The following PCDHA6 variants were observed in gnomAD, a reference collection of about 807,000 sequenced individuals.
PCDHA6 encodes protocadherin alpha 6, also known as protocadherin alpha-6.
PCDHA6 carries 55 observed loss-of-function variants against 60.3 expected under a neutral mutation model. The ratio of observed to expected loss-of-function variants is 0.91; its 90% CI spans 0.73 to 1.14. The LOEUF (loss-of-function observed/expected upper bound fraction) is 1.14. Ranked by LOEUF, PCDHA6 falls within the 50% of genes most tolerant of loss-of-function variation. The pLI is 0.00. For synonymous variants in PCDHA6, 652 were observed against 557.9 expected, an observed-to-expected ratio of 1.17 and a Z score of -2.38; for missense variants, 1,327 against 1,256.5, an observed-to-expected ratio of 1.06 and a Z score of -0.85.
intron 1 of PCDHA6, among the ~76,000 whole-genome samples, chr5:140,914,693 G>C (rs1554196535): frequency 7.9e-5 from 12 of 151,662 alleles, no homozygotes; most frequent in Non-Finnish European, 1.8e-4. Flanking sequence ...TTCTCTGGTG[G>C]TATGATTTAA....
chr5:140,841,156 C>T (rs1399343439), intron 1 of PCDHA6: 2 of 850,602 alleles, frequency 2.4e-6, no homozygotes, highest in East Asian at 2.7e-5. Context: ...CGCTGTCTAC[C>T]AAGAAGTTCT....
At chr5:140,969,064 C>T (rs2096292525) in intron 1 of PCDHA6, 1 of 1,614,136 alleles carries the variant, frequency 6.2e-7, no homozygotes, top group Non-Finnish European at 8.5e-7. Context: ...ATATTGATGC[C>T]AGGATACCGC....
intron 1 of PCDHA6, among the ~76,000 whole-genome samples, chr5:140,894,025 A>G (rs1473023847): frequency 1.3e-5 from 2 of 152,232 alleles, no homozygotes; most frequent in Admixed American, 6.5e-5. Flanking sequence ...CCAGTTCTGC[A>G]TACTGGTAAT....
chr5:140,867,664 C>T (rs2050091732), intron 1 of PCDHA6: 1 of 152,076 alleles, frequency 6.6e-6, no homozygotes, highest in African/African-American at 2.4e-5. Flanking sequence ...TCACTTTCTA[C>T]TCTAAAATTT....
chr5:140,926,783 C>G lies in PCDHA6; in HGVS notation c.2395-52166C>G, dbSNP rs1230665699. 5.0e-6 allele frequency: 7 copies of G among 1,410,188 alleles called. No homozygotes were observed. The African/African-American group carries it at 7.3e-5, about 15-fold the overall frequency. The allele number at this position is 1,410,188 out of a possible 1,614,324, so 87.4% of individuals were successfully genotyped here. On this transcript the variant is annotated intron_variant, in intron 1 of 3. Transcript: ENST00000529310. The stretch of plus-strand genomic sequence containing the variant: ...GTATCCAGCCCGCAGCAGTGACGGC[C>G]GGCAGGAGCGTGCTCTTCCCCGCGG...
At chr5:140,855,049 C>A (rs188702829) in intron 1 of PCDHA6, among the ~76,000 whole-genome samples, 1 of 149,704 alleles carries the variant, frequency 6.7e-6, no homozygotes, top group Admixed American at 6.7e-5. Flanking sequence ...TGTAATAGTA[C>A]TTTTCTGTTT....
At chr5:140,875,056 G>C (rs1554167464) in intron 1 of PCDHA6, among the ~76,000 whole-genome samples, 1 of 152,176 alleles carries the variant, frequency 6.6e-6, no homozygotes, top group Non-Finnish European at 1.5e-5. Context: ...CTTTGAAGCA[G>C]AAAACATTTT....
At chr5:140,898,062 T>G (rs2066502065) in intron 1 of PCDHA6, among the ~76,000 whole-genome samples, 1 of 152,110 alleles carries the variant, frequency 6.6e-6, no homozygotes, top group African/African-American at 2.4e-5. Flanking sequence ...TAAATTTGTT[T>G]GAGTTCATTG....
chr5:140,861,489 T>A, intron 1 of PCDHA6: 1 of 487,812 alleles, frequency 2.0e-6, no homozygotes, highest in South Asian at 1.6e-5. Context: ...TTTTGTGAGT[T>A]CTCTGATAGA....
At chr5:140,975,208 G>A (rs1449804050) in intron 1 of PCDHA6, among the ~76,000 whole-genome samples, 1 of 152,170 alleles carries the variant, frequency 6.6e-6, no homozygotes, top group African/African-American at 2.4e-5. Context: ...TTCATGGCTG[G>A]CACTGGAGAA....
intron 1 of PCDHA6, among the ~76,000 whole-genome samples, chr5:140,903,825 C>A (rs1367828043): frequency 2.0e-5 from 3 of 152,092 alleles, no homozygotes; most frequent in Admixed American, 2.0e-4. Flanking sequence ...ACATGAATGT[C>A]TGTTGGTATT....
chr5:140,939,789 A>G (rs1259994967), intron 1 of PCDHA6, among the ~76,000 whole-genome samples: 1 of 152,246 alleles, frequency 6.6e-6, no homozygotes, highest in Non-Finnish European at 1.5e-5. Context: ...GTCAATTTCT[A>G]TAAATGTTCT....
rs782226531 is a variant in PCDHA6, at chr5:140,928,688, A to G, written c.2395-50261A>G. 6 of 1,614,004 alleles carry G rather than the reference A, an allele frequency of 3.7e-6. No homozygotes were observed. The African/African-American group carries it at 4.0e-5, about 11-fold the overall frequency. The stretch of plus-strand genomic sequence containing the variant: ...GGTTCTAATGCCTGGCTTTCCTACC[A>G]CATCTCCCGGGCGTCTGACTCTAGT... On this transcript the variant is annotated intron_variant, in intron 1 of 3. Transcript: ENST00000529310.
intron 1 of PCDHA6, chr5:140,928,178 G>A: frequency 6.2e-7 from 1 of 1,614,192 alleles, no homozygotes. Context: ...AGCACCCGAA[G>A]GACAATCACT....
chr5:140,944,097 A>G lies in PCDHA6; in HGVS notation c.2395-34852A>G, dbSNP rs2093609741. On this transcript the variant is annotated intron_variant, in intron 1 of 3. Coordinates refer to ENST00000529310, the MANE Select transcript of PCDHA6 (RefSeq NM_018909.4). ...ATAAAGGAGGCCTGAGTAAGTTTAT[A>G]TCTCATGGGAAAATGGTACCAGAGA... is the stretch of plus-strand genomic sequence containing the variant. Among the ~76,000 whole-genome samples, 3 of 152,244 alleles carry G rather than the reference A, an allele frequency of 2.0e-5. No individual in the cohort carries two copies. In the South Asian group the frequency reaches 6.2e-4, roughly 31 times the overall value.
chr5:140,894,138 T>A (rs1224822611), intron 1 of PCDHA6, among the ~76,000 whole-genome samples: 2 of 152,112 alleles, frequency 1.3e-5, no homozygotes, highest in Non-Finnish European at 2.9e-5. Flanking sequence ...TTGAAATAAT[T>A]CCCTTCTATG....
chr5:140,911,971 C>G (rs1041878022), intron 1 of PCDHA6, among the ~76,000 whole-genome samples: 5 of 152,266 alleles, frequency 3.3e-5, no homozygotes, highest in African/African-American at 1.2e-4. Flanking sequence ...GGAGTATTAA[C>G]TCACATGATC....
rs1554263662 is a variant in PCDHA6 at position 141,011,810 on chromosome 5, G to A, written c.*1873G>A. The A allele has an allele frequency of 6.5e-6, 1 of 153,716 alleles. No individual in the cohort carries two copies. The highest frequency in any genetic ancestry group is 1.9e-4 in the East Asian group (1 of 5,198). 9.5% of individuals were successfully genotyped at this position (153,716 alleles called of 1,614,324 possible). ...ATGGTATCTGAAATATCAGCTCATA[G>A]AAAGTAACAAAATTTGCTGTCACCT... On this transcript the variant is annotated 3_prime_UTR_variant, in exon 4 of 4. Coordinates refer to ENST00000529310, the MANE Select transcript of PCDHA6 (RefSeq NM_018909.4).
At chr5:140,998,533 T>C (rs1362807124) in intron 3 of PCDHA6, among the ~76,000 whole-genome samples, 1 of 152,020 alleles carries the variant, frequency 6.6e-6, no homozygotes, top group Non-Finnish European at 1.5e-5. Flanking sequence ...TTTATATCCC[T>C]AATTCCTAAT....
Sources: gnomAD v4.1 joint callset for allele counts (sites outside exome capture counted in the v4.1 genomes callset) on GRCh38, gnomAD v4.1.1 for gene constraint, MANE v1.5 for transcripts, NCBI Gene and HGNC (gene_info 2026-07-23, HGNC 2026-07-21) for gene names.